Variants in ATOSA observed in about 807,000 individuals in gnomAD.
ATOSA encodes atos homolog protein A.
the ATOSA span, among the ~76,000 whole-genome samples, chr15:52,667,968 A>T: frequency 1.3e-5 from 2 of 152,260 alleles, no homozygotes; most frequent in East Asian, 3.8e-4. Context: ...TGAGACTGTA[A>T]GTTATTACAG....
chr15:52,672,645 A>C, the ATOSA span, among the ~76,000 whole-genome samples: 2 of 152,176 alleles, frequency 1.3e-5, no homozygotes, highest in African/African-American at 2.4e-5. Flanking sequence ...TTAACAACTA[A>C]TTTTTTTCTA....
the ATOSA span, among the ~76,000 whole-genome samples, chr15:52,661,929 G>GC: frequency 1.5e-4 from 3 of 19,406 alleles, no homozygotes; most frequent in African/African-American, 4.7e-4. Flanking sequence ...TACAAGCCAG[G>GC]CCAAAAAAAA....
the ATOSA span, among the ~76,000 whole-genome samples, chr15:52,702,510 G>A: frequency 6.6e-6 from 1 of 152,154 alleles, no homozygotes; most frequent in Non-Finnish European, 1.5e-5. Flanking sequence ...TGCAGGAACA[G>A]AAAACCAAAT....
chr15:52,649,689 A>G, the ATOSA span: 1 of 152,200 alleles, frequency 6.6e-6, no homozygotes, highest in African/African-American at 2.4e-5. Flanking sequence ...GACAAAGACA[A>G]TAAAAATTAT....
chr15:52,624,317 T>A, the ATOSA span, among the ~76,000 whole-genome samples: 1 of 152,204 alleles, frequency 6.6e-6, no homozygotes, highest in African/African-American at 2.4e-5. Context: ...TGCCAATCTT[T>A]TCCATGAGAA....
chr15:52,642,569 A>G, the ATOSA span, among the ~76,000 whole-genome samples: 1 of 152,352 alleles, frequency 6.6e-6, no homozygotes, highest in Non-Finnish European at 1.5e-5. Context: ...ACTAAAAATA[A>G]TCATGAGGGT....
the ATOSA span, chr15:52,651,767 T>C: frequency 8.9e-7 from 1 of 1,125,980 alleles, no homozygotes; most frequent in African/African-American, 1.6e-5. Flanking sequence ...TAGACCTATT[T>C]ATTAAAAATC....
the ATOSA span, among the ~76,000 whole-genome samples, chr15:52,697,957 A>ATTTTTTTTTTTTTTTTTT: frequency 6.0e-4 from 27 of 44,780 alleles, no homozygotes; most frequent in South Asian, 2.7e-3. Context: ...GGGATGTAGA[A>ATTTTTTTTTTTTTTTTTT]TTTTTTTTTT....
chr15:52,643,495 C>T, the ATOSA span, among the ~76,000 whole-genome samples: 1 of 150,340 alleles, frequency 6.7e-6, no homozygotes, highest in African/African-American at 2.5e-5. Flanking sequence ...CACTATGTTG[C>T]CCAGACTGGT....
At chr15:52,662,709 GC>G in the ATOSA span, among the ~76,000 whole-genome samples, 1 of 150,040 alleles carries the variant, frequency 6.7e-6, no homozygotes, top group Admixed American at 6.6e-5. Context: ...GGCGGAGCTT[GC>G]AGTGAGCTGA....
chr15:52,644,389 T>C, the ATOSA span, among the ~76,000 whole-genome samples: 1 of 152,252 alleles, frequency 6.6e-6, no homozygotes, highest in Non-Finnish European at 1.5e-5. Context: ...CCTATTACCC[T>C]CTTTCATGTC....
At chr15:52,670,589 ATAAC>A in the ATOSA span, among the ~76,000 whole-genome samples, 2 of 152,312 alleles carry the variant, frequency 1.3e-5, no homozygotes, top group South Asian at 2.1e-4. Flanking sequence ...CGAAAAATGT[ATAAC>A]TAAGTATACA....
the ATOSA span, among the ~76,000 whole-genome samples, chr15:52,591,501 C>T: frequency 6.6e-6 from 1 of 152,168 alleles, no homozygotes; most frequent in South Asian, 2.1e-4. Context: ...CTGTCCGCCC[C>T]AGCCTCCCAA....
the ATOSA span, among the ~76,000 whole-genome samples, chr15:52,690,047 GA>G: frequency 1.3e-5 from 2 of 152,138 alleles, no homozygotes; most frequent in Non-Finnish European, 2.9e-5. Flanking sequence ...CTCCATGAAT[GA>G]ATCTTTCCAA....
At chr15:52,630,185 G>C in the ATOSA span, among the ~76,000 whole-genome samples, 1 of 152,064 alleles carries the variant, frequency 6.6e-6, no homozygotes, top group Non-Finnish European at 1.5e-5. Context: ...TAGCTTAAAA[G>C]TAGCCCCAAA....
At chr15:52,702,779 CAAAAA>C in the ATOSA span, among the ~76,000 whole-genome samples, 5 of 91,876 alleles carry the variant, frequency 5.4e-5, no homozygotes, top group African/African-American at 1.6e-4. Flanking sequence ...AAAGTGTTTC[CAAAAA>C]AAAAAAAAAA....
the ATOSA span, among the ~76,000 whole-genome samples, chr15:52,667,685 C>CA: frequency 1.3e-5 from 2 of 152,124 alleles, no homozygotes; most frequent in African/African-American, 2.4e-5. Context: ...GAAATATACA[C>CA]AATCGGCTTT....
chr15:52,602,390 T>C, the ATOSA span, among the ~76,000 whole-genome samples: 1 of 152,222 alleles, frequency 6.6e-6, no homozygotes, highest in East Asian at 1.9e-4. Context: ...AGTTCCTATA[T>C]GTGCATCCTC....
the ATOSA span, chr15:52,609,925 T>C: frequency 6.2e-7 from 1 of 1,610,836 alleles, no homozygotes; most frequent in Non-Finnish European, 8.5e-7. Flanking sequence ...CACTGATGTT[T>C]CTTGTGATTT....
Sources: gnomAD v4.1 joint callset for allele counts (sites outside exome capture counted in the v4.1 genomes callset) on GRCh38, gnomAD v4.1.1 for gene constraint, MANE v1.5 for transcripts, NCBI Gene and HGNC (gene_info 2026-07-23, HGNC 2026-07-21) for gene names.